Variants in PRKCA observed in about 807,000 individuals in gnomAD.
PRKCA encodes protein kinase C alpha.
In PRKCA, 27 loss-of-function variants were observed where a neutral mutation model predicts 87.0. The ratio of observed to expected loss-of-function variants is 0.31; its 90% CI spans 0.23 to 0.43. The LOEUF is 0.43. PRKCA is among the 20% of genes least tolerant of loss of function. PRKCA has a pLI of 1.00. For missense variants in PRKCA, 518 were observed against 852.3 expected, an observed-to-expected ratio of 0.61 and a Z score of 4.88; for synonymous variants, 329 against 311.1, an observed-to-expected ratio of 1.06 and a Z score of -0.61.
At chr17:66,506,343 G>A (rs530126113) in intron 3 of PRKCA, among the ~76,000 whole-genome samples, 17 of 151,478 alleles carry the variant, frequency 1.1e-4, no homozygotes, top group Non-Finnish European at 2.1e-4. Context: ...GCAACATAGC[G>A]AGACCCTATT....
intron 2 of PRKCA, among the ~76,000 whole-genome samples, chr17:66,439,553 T>C (rs1913609313): frequency 6.6e-6 from 1 of 152,210 alleles, no homozygotes. Context: ...GCTGGCCTAT[T>C]ACTGTCCTTT....
At chr17:66,384,232 G>A (rs977690076) in intron 2 of PRKCA, among the ~76,000 whole-genome samples, 7 of 152,198 alleles carry the variant, frequency 4.6e-5, no homozygotes, top group African/African-American at 1.7e-4. Flanking sequence ...CTATAGTGGA[G>A]TGTGACCTTT....
chr17:66,392,237 AC>A (rs60440871), intron 2 of PRKCA, among the ~76,000 whole-genome samples: 2,807 of 139,894 alleles, frequency 0.02, 103 homozygotes, highest in African/African-American at 0.064. Flanking sequence ...CTCAACAACA[AC>A]AAAAAAAAAA....
chr17:66,458,637 C>G (rs567226111), intron 2 of PRKCA, among the ~76,000 whole-genome samples: 1 of 152,038 alleles, frequency 6.6e-6, no homozygotes. Flanking sequence ...TGCACCACCA[C>G]GCCCAGCTAA....
intron 2 of PRKCA, among the ~76,000 whole-genome samples, chr17:66,450,452 CTGAAGACGGCCATGT>C (rs2143917584): frequency 6.6e-6 from 1 of 152,286 alleles, no homozygotes; most frequent in East Asian, 1.9e-4. Context: ...TCTTTGGTAC[CTGAAGACGGCCATGT>C]CCCACAGGTG....
chr17:66,792,881 G>C lies in PRKCA; in HGVS notation c.1854+3902G>C, dbSNP rs1654166622. Reference sequence around the variant, plus strand: ...GGCAAGCCTGGAGGCTGAGATGTGAGGGAAGAACCTGCCCCTGTGGCAGTC... The same window carrying C: ...GGCAAGCCTGGAGGCTGAGATGTGACGGAAGAACCTGCCCCTGTGGCAGTC... On this transcript the variant is annotated intron_variant, in intron 16 of 16. Transcript: ENST00000413366. The surrounding 1 kb of genome is among the most constrained non-coding windows in gnomAD (Gnocchi z 4.5). 6.6e-6 allele frequency among the ~76,000 whole-genome samples: 1 copy of C among 152,202 alleles called. No homozygotes were observed. Among genetic ancestry groups the C allele is most frequent in the Admixed American group, 6.5e-5 (1 of 15,286 alleles).
intron 5 of PRKCA, among the ~76,000 whole-genome samples, chr17:66,661,901 C>A (rs1451871133): frequency 1.3e-5 from 2 of 152,228 alleles, no homozygotes; most frequent in African/African-American, 4.8e-5. Flanking sequence ...AAACAACCTT[C>A]CCCTGCGGCA....
chr17:66,493,126 G>A (rs1388069753), intron 2 of PRKCA, among the ~76,000 whole-genome samples: 1 of 151,968 alleles, frequency 6.6e-6, no homozygotes. Context: ...ACAGTGACAT[G>A]GTATCATGAG....
In PRKCA at chr17:66,807,291, T is replaced by C. The variant is rs1019378786; in HGVS notation, c.*3254T>C. On this transcript the variant is annotated 3_prime_UTR_variant, in exon 17 of 17. Transcript: ENST00000413366. The surrounding 1 kb of genome is among the most constrained non-coding windows in gnomAD (Gnocchi z 4.3). ...GACCACACCAGGCCATTCAAATGGCTCTGCATTATCTTCCCTTGGAAGGTG... is the reference window on the plus strand; with the variant it reads ...GACCACACCAGGCCATTCAAATGGCCCTGCATTATCTTCCCTTGGAAGGTG... 2.0e-5 allele frequency: 3 copies of C among 152,208 alleles called. No individual in the cohort carries two copies. The highest frequency in any genetic ancestry group is 7.2e-5 in the African/African-American group (3 of 41,460). The allele number at this position is 152,208 out of a possible 1,614,324, so 9.4% of individuals were successfully genotyped here.
At chr17:66,605,201 GCTA>G (rs1335703513) in intron 3 of PRKCA, among the ~76,000 whole-genome samples, 1 of 152,198 alleles carries the variant, frequency 6.6e-6, no homozygotes, top group African/African-American at 2.4e-5. Flanking sequence ...TTATTAGATG[GCTA>G]CTGATCACAG....
rs186877179 is a variant in PRKCA, at chr17:66,572,350, C to G, written c.289-69005C>G. 3.4e-4 allele frequency among the ~76,000 whole-genome samples: 51 copies of G among 152,124 alleles called. 1 individual carries two copies. The highest frequency in any genetic ancestry group is 1.2e-3 in the African/African-American group (49 of 41,490). On this transcript the variant is annotated intron_variant, in intron 3 of 16. Transcript: ENST00000413366. Reference sequence around the variant, plus strand: ...GGCGTGGTGGTGGGCACCTGTAATCCCAGCTACTCAGGAGGCTGAGGCAGG... The same window carrying G: ...GGCGTGGTGGTGGGCACCTGTAATCGCAGCTACTCAGGAGGCTGAGGCAGG...
At chr17:66,405,699 A>G (rs1407025921) in intron 2 of PRKCA, among the ~76,000 whole-genome samples, 1 of 152,232 alleles carries the variant, frequency 6.6e-6, no homozygotes, top group Non-Finnish European at 1.5e-5. Context: ...CCAATCATTC[A>G]ATCCCTATTC....
chr17:66,548,009 T>C (rs1968199134), intron 3 of PRKCA, among the ~76,000 whole-genome samples: 1 of 152,204 alleles, frequency 6.6e-6, no homozygotes, highest in Non-Finnish European at 1.5e-5. Flanking sequence ...TGTACACAGA[T>C]CCCAAGTCAT....
chr17:66,609,427 G>A (rs772076531), intron 3 of PRKCA, among the ~76,000 whole-genome samples: 2 of 152,266 alleles, frequency 1.3e-5, no homozygotes, highest in Non-Finnish European at 2.9e-5. Flanking sequence ...AAACCGGAGA[G>A]ACCAGCTCCA....
rs1277127272 is a variant in PRKCA, at chr17:66,504,599, G to GA, written c.288+8329dup. 4.4e-3 allele frequency among the ~76,000 whole-genome samples: 575 copies of GA among 129,494 alleles called. 2 individuals are homozygous for GA. Among genetic ancestry groups the GA allele is most frequent in the Non-Finnish European group, 6.3e-3 (374 of 59,318 alleles). 85.0% of individuals were successfully genotyped at this position (129,494 alleles called of 152,430 possible). On this transcript the variant is annotated intron_variant, in intron 3 of 16. Transcript: ENST00000413366. ...AAGAGTGAAACTCTGCCTCAAAAAA[G>GA]AAAAAAAAAAAAAGATTGCACAGGG...
At chr17:66,608,607 G>C (rs144140798) in intron 3 of PRKCA, among the ~76,000 whole-genome samples, 29 of 152,268 alleles carry the variant, frequency 1.9e-4, no homozygotes, top group African/African-American at 6.7e-4. Context: ...CAGATCACTG[G>C]TTTCCAAACC....
chr17:66,542,070 AG>A (rs1378802839), intron 3 of PRKCA, among the ~76,000 whole-genome samples: 5 of 152,184 alleles, frequency 3.3e-5, no homozygotes, highest in African/African-American at 1.2e-4. Flanking sequence ...ATAAAGCCCC[AG>A]GGGAGAAAGT....
At chr17:66,666,447 A>C (rs888672410) in intron 5 of PRKCA, among the ~76,000 whole-genome samples, 1 of 152,110 alleles carries the variant, frequency 6.6e-6, no homozygotes. Flanking sequence ...TGCTCATTTG[A>C]ACATATTCAT....
At chr17:66,506,894 A>G (rs1456425530) in intron 3 of PRKCA, among the ~76,000 whole-genome samples, 2 of 152,180 alleles carry the variant, frequency 1.3e-5, no homozygotes, top group Non-Finnish European at 2.9e-5. Flanking sequence ...CAAACAGCCA[A>G]ATTACCTGAC....
Sources: allele counts gnomAD v4.1 joint callset (sites outside exome capture counted in the v4.1 genomes callset), GRCh38; gene constraint gnomAD v4.1.1; non-coding constraint Gnocchi (gnomAD v3.1); transcripts MANE v1.5; gene names NCBI Gene and HGNC (gene_info 2026-07-23, HGNC 2026-07-21).